The following SCN7A variants were observed in gnomAD, a reference collection of about 807,000 sequenced individuals.
SCN7A encodes the protein sodium channel protein type 7 subunit alpha.
In SCN7A, 138 loss-of-function variants were observed where a neutral mutation model predicts 155.2. The observed-to-expected ratio is 0.89, with a 90% CI of 0.77 to 1.02. SCN7A has a LOEUF of 1.02. SCN7A is among the 50% of genes least tolerant of loss of function. SCN7A has a pLI of 0.00. For synonymous variants in SCN7A, 693 were observed against 649.0 expected, an observed-to-expected ratio of 1.07 and a Z score of -1.03; for missense variants, 2,058 against 1,986.6, an observed-to-expected ratio of 1.04 and a Z score of -0.68.
rs1220163777 is a variant in SCN7A at position 166,406,603 on chromosome 2, A to G, written c.4026T>C (p.Pro1342=). 2.5e-6 allele frequency: 4 copies of G among 1,611,834 alleles called. No homozygotes were observed. The highest frequency in any genetic ancestry group is 3.4e-6 in the Non-Finnish European group (4 of 1,178,698). The part of the protein sequence containing the change: ...PMTVGSYLVP[P]SLVQLILLSR... ...AGAGAAGTATCAGTTGCACAAGTGA[A>G]GGAGGCACAAGGTAGGATCCTACTG... Residue 1342 remains proline (P), a synonymous_variant, in exon 26 of 26, where the codon CCT becomes CCC. Transcript: ENST00000643258.
intron 2 of SCN7A, among the ~76,000 whole-genome samples, chr2:166,482,396 G>T (rs1020850074): frequency 6.6e-6 from 1 of 151,958 alleles, no homozygotes; most frequent in Non-Finnish European, 1.5e-5. Flanking sequence ...CATAGTCCTA[G>T]TATAATATCC....
At position 166,421,258 on chromosome 2, in the gene SCN7A, G is replaced by C; in HGVS notation, c.3067C>G (p.Leu1023Val). 2.0e-6 allele frequency: 3 copies of C among 1,534,048 alleles called. No individual in the cohort carries two copies. The highest frequency in any genetic ancestry group is 2.6e-6 in the Non-Finnish European group (3 of 1,140,986). ...AATTTCATGGAAATAAGAGGTTTTA[G>C]TTCTTCCCGAGTTTTGCCTATTAAG... Reference protein sequence around the residue: ...LSLIGKTREELKPLISMKFLR... With the variant: ...LSLIGKTREEVKPLISMKFLR... The change falls in exon 20 of 26, where the codon CTA (leucine) becomes GTA (valine). Residue 1023 changes from leucine (L) to valine (V), a missense_variant. Leu to Val is a conservative substitution (Grantham distance 32). Coordinates refer to ENST00000643258, the MANE Select transcript of SCN7A (RefSeq NM_002976.4).
chr2:166,485,987 C>G (rs1190634143), intron 2 of SCN7A, among the ~76,000 whole-genome samples: 1 of 152,166 alleles, frequency 6.6e-6, no homozygotes, highest in African/African-American at 2.4e-5. Context: ...TGTGCTGCTT[C>G]TCAGCGGAAT....
intron 3 of SCN7A, among the ~76,000 whole-genome samples, chr2:166,476,781 T>G (rs1445822248): frequency 6.6e-6 from 1 of 152,058 alleles, no homozygotes; most frequent in Non-Finnish European, 1.5e-5. Flanking sequence ...CCTTCCAGAA[T>G]CATTCTCTGC....
chr2:166,480,697 T>C (rs1035992013), intron 2 of SCN7A, among the ~76,000 whole-genome samples: 6 of 152,206 alleles, frequency 3.9e-5, no homozygotes, highest in Non-Finnish European at 7.3e-5. Context: ...GACTTGACAT[T>C]GTCTTGGTAT....
intron 21 of SCN7A, among the ~76,000 whole-genome samples, chr2:166,414,284 AT>A (rs1446386445): frequency 8.4e-4 from 25 of 29,628 alleles, no homozygotes; most frequent in African/African-American, 3.4e-3. Flanking sequence ...ATATATATAT[AT>A]ACACACACAT....
At chr2:166,492,608 G>T (rs1559134148) in intron 1 of SCN7A, among the ~76,000 whole-genome samples, 2 of 152,144 alleles carry the variant, frequency 1.3e-5, no homozygotes, top group Non-Finnish European at 2.9e-5. Flanking sequence ...TTTCAGATTA[G>T]AATATGCTTT....
At chr2:166,462,630 C>CA in intron 9 of SCN7A, 100 bp from the exon 10 acceptor site, 1 of 1,052,100 alleles carries the variant, frequency 9.5e-7, no homozygotes, top group Non-Finnish European at 1.4e-6. Flanking sequence ...ATAGAGAACT[C>CA]ACGCTTCCAC....
chr2:166,491,308 C>T (rs902185664), intron 1 of SCN7A, among the ~76,000 whole-genome samples: 1 of 152,240 alleles, frequency 6.6e-6, no homozygotes, highest in African/African-American at 2.4e-5. Flanking sequence ...CAGTGTGGCA[C>T]CTGACCCACA....
chr2:166,458,404 T>C (rs1702331784), intron 10 of SCN7A, among the ~76,000 whole-genome samples: 1 of 151,884 alleles, frequency 6.6e-6, no homozygotes, highest in African/African-American at 2.4e-5. Context: ...ATGGGTTCCA[T>C]ATCTGTGGAT....
intron 2 of SCN7A, among the ~76,000 whole-genome samples, chr2:166,482,818 T>C (rs1450201473): frequency 3.3e-5 from 5 of 151,956 alleles, no homozygotes; most frequent in African/African-American, 7.2e-5. Flanking sequence ...ATCTGACTTC[T>C]AGATGGTTGA....
At chr2:166,475,882 A>G (rs1702785833) in intron 3 of SCN7A, among the ~76,000 whole-genome samples, 1 of 152,088 alleles carries the variant, frequency 6.6e-6, no homozygotes, top group Non-Finnish European at 1.5e-5. Context: ...TTTCATGGGA[A>G]CTAGACCAAG....
chr2:166,424,891 G>A (rs1445143444), intron 18 of SCN7A, among the ~76,000 whole-genome samples: 1 of 152,008 alleles, frequency 6.6e-6, no homozygotes, highest in Admixed American at 6.6e-5. Flanking sequence ...TGCCCACCAA[G>A]AATTCCCTTA....
In SCN7A at chr2:166,440,272, A is replaced by G. The variant is rs576189483; in HGVS notation, c.2157+1124T>C. ...CTAAGAATGGATTCTAGGCATCAGCATATTTTTATTAATTCCCCAGGTAAT... is the reference window on the plus strand; with the variant it reads ...CTAAGAATGGATTCTAGGCATCAGCGTATTTTTATTAATTCCCCAGGTAAT... On this transcript the variant is annotated intron_variant, in intron 15 of 25. Transcript: ENST00000643258. Among the ~76,000 whole-genome samples, 9 of 152,320 alleles carry G rather than the reference A, an allele frequency of 5.9e-5. 1 individual carries two copies. In the South Asian group the frequency reaches 1.9e-3, roughly 32 times the overall value.
intron 15 of SCN7A, among the ~76,000 whole-genome samples, chr2:166,438,902 G>A (rs1412327476): frequency 6.6e-6 from 1 of 150,882 alleles, no homozygotes; most frequent in East Asian, 1.9e-4. Flanking sequence ...TGAAGTTTCT[G>A]GTTAGTAGAA....
rs1381916346 is a variant in SCN7A, at chr2:166,406,494, C to T, written c.4135G>A (p.Ala1379Thr). ...LMLPLMLSLP[A>T]LLNIILLIFL... is the part of the protein sequence containing the mutation. ...ATGAGAAGAATGATGTTCAATAATG[C>T]TGGGAGGGACAGCATCAAAGGAAGC... is the stretch of plus-strand genomic sequence containing the variant. Residue 1379 changes from alanine to threonine, a missense_variant, in exon 26 of 26, where the codon GCA becomes ACA. Ala to Thr is a moderately conservative substitution (Grantham distance 58). Transcript: ENST00000643258. The T allele has an allele frequency of 6.2e-7, 1 of 1,612,644 alleles. No individual in the cohort carries two copies. The highest frequency in any genetic ancestry group is 8.5e-7 in the Non-Finnish European group (1 of 1,179,302).
At chr2:166,459,397 G>A (rs1702353551) in intron 10 of SCN7A, among the ~76,000 whole-genome samples, 1 of 152,060 alleles carries the variant, frequency 6.6e-6, no homozygotes, top group Admixed American at 6.6e-5. Flanking sequence ...AAAGATCTTA[G>A]CACATCCCAG....
In SCN7A at chr2:166,409,943, TA is replaced by T. The variant is rs1559085177; in HGVS notation, c.3712-9del. On this transcript the variant is annotated splice_polypyrimidine_tract_variant and intron_variant, in intron 24 of 25. Coordinates refer to ENST00000643258, the MANE Select transcript of SCN7A (RefSeq NM_002976.4). ...GAATCCTTGGAGCTTGTTCTGTGGGTAAAATCAACAGGTGTAATAGTCTTAT... is the reference window on the plus strand; with the variant it reads ...GAATCCTTGGAGCTTGTTCTGTGGGTAAATCAACAGGTGTAATAGTCTTAT... 4.5e-6 allele frequency: 7 copies of T among 1,551,432 alleles called. No homozygotes were observed. The highest frequency in any genetic ancestry group is 1.7e-4 in the Middle Eastern group (1 of 5,886).
chr2:166,403,637 CTT>C lies in SCN7A; in HGVS notation c.*1941_*1942del, dbSNP rs1157925097. ...TAAAAAGTAACATATATTGTTAAGA[CTT>C]TGTTAAAAATAACTCTTTACACAGC... On this transcript the variant is annotated 3_prime_UTR_variant, in exon 26 of 26. Coordinates refer to ENST00000643258, the MANE Select transcript of SCN7A (RefSeq NM_002976.4). The C allele has an allele frequency of 3.9e-5, 6 of 152,032 alleles. No homozygotes were observed. Among genetic ancestry groups the C allele is most frequent in the East Asian group, 1.9e-4 (1 of 5,160 alleles). 9.4% of individuals were successfully genotyped at this position (152,032 alleles called of 1,614,324 possible). A position where few individuals can be genotyped will look rare whatever the true frequency, so the allele number is the denominator to read the frequency against.
Sources: gnomAD v4.1 joint callset for allele counts (sites outside exome capture counted in the v4.1 genomes callset) on GRCh38, gnomAD v4.1.1 for gene constraint, MANE v1.5 for transcripts, NCBI Gene and HGNC (gene_info 2026-07-23, HGNC 2026-07-21) for gene names.